Variants in GPR179 observed in about 807,000 individuals in gnomAD.
GPR179 encodes probable G protein-coupled receptor 179.
In GPR179, 52 loss-of-function variants were observed where a neutral mutation model predicts 70.8. The observed-to-expected ratio is 0.73, with a 90% CI of 0.59 to 0.93. The LOEUF is 0.93. Ranked by LOEUF, GPR179 falls within the 40% of genes least tolerant of loss-of-function variation. GPR179 has a pLI of 0.00. For missense variants in GPR179, 2,734 were observed against 2,966.8 expected, an observed-to-expected ratio of 0.92 and a Z score of 1.82; for synonymous variants, 1,123 against 1,169.0, an observed-to-expected ratio of 0.96 and a Z score of 0.80.
In GPR179 at chr17:38,343,891, G is replaced by A; in HGVS notation, c.-102C>T. Reference sequence around the variant, plus strand: ...GTCGGCCTCCACGCCTCCTATGCTGGCGTTCCTTCTTCCTCTCTCCGTCTC... The same window carrying A: ...GTCGGCCTCCACGCCTCCTATGCTGACGTTCCTTCTTCCTCTCTCCGTCTC... On this transcript the variant is annotated 5_prime_UTR_variant, in exon 1 of 11. Transcript: ENST00000616987. The surrounding 1 kb of genome is among the most constrained non-coding windows in gnomAD (Gnocchi z 4.2). 1.0e-6 allele frequency: 1 copy of A among 954,068 alleles called. No individual in the cohort carries two copies. Among genetic ancestry groups the A allele is most frequent in the East Asian group, 2.7e-5 (1 of 37,682 alleles). The allele number at this position is 954,068 out of a possible 1,614,324, so 59.1% of individuals were successfully genotyped here.
intron 2 of GPR179, among the ~76,000 whole-genome samples, chr17:38,338,666 T>C (rs1315157786): frequency 6.6e-6 from 1 of 152,248 alleles, no homozygotes; most frequent in African/African-American, 2.4e-5. Flanking sequence ...TAGAACCACC[T>C]GTGCACACAG....
chr17:38,339,348 G>C (rs1278672325), intron 2 of GPR179, 69 bp downstream of exon 2: 3 of 950,416 alleles, frequency 3.2e-6, no homozygotes, highest in African/African-American at 3.2e-5. Flanking sequence ...GGAGCTGCAT[G>C]GTGGCGGTGA....
rs765791476 is a variant in GPR179, at chr17:38,343,621, C to T, written c.169G>A (p.Glu57Lys). The change falls in exon 1 of 11, where the codon GAG becomes AAG. Residue 57 changes from glutamate (E) to lysine (K), a missense_variant. Glu to Lys is a moderately conservative substitution (Grantham distance 56). Transcript: ENST00000616987. The surrounding 1 kb of genome is among the most constrained non-coding windows in gnomAD (Gnocchi z 4.2). Reference protein sequence around the residue: ...VPMQVPLEGAEAALAYLYSGD... With the variant: ...VPMQVPLEGAKAALAYLYSGD... The stretch of plus-strand genomic sequence containing the variant: ...GAGTAGAGATAAGCGAGGGCGGCCT[C>T]GGCCCCCTCTAGGGGCACCTGCATG... 7 of 1,613,638 alleles carry T rather than the reference C, an allele frequency of 4.3e-6. No individual in the cohort carries two copies. The highest frequency in any genetic ancestry group is 1.7e-5 in the Admixed American group (1 of 59,996).
chr17:38,337,436 T>A (rs1389248858), intron 3 of GPR179, among the ~76,000 whole-genome samples, 197 bp downstream of exon 3: 1 of 152,176 alleles, frequency 6.6e-6, no homozygotes, highest in African/African-American at 2.4e-5. Context: ...ATTTGCATGT[T>A]ACAGGCTCAT....
rs1253302610 is a variant in GPR179 at position 38,326,803 on chromosome 17, G to A, written c.6766C>T (p.Leu2256Phe). The change falls in exon 11 of 11, where the codon CTC (leucine) becomes TTC (phenylalanine). Residue 2256 changes from leucine (L) to phenylalanine (F), a missense_variant. By Grantham distance (22) the Leu-to-Phe change is conservative. Transcript: ENST00000616987. ...ETGVPSEESG[L>F]LALTATRREF... Reference sequence around the variant, plus strand: ...CTCCGAGTTGCTGTTAAAGCCAGGAGGCCAGATTCCTCAGATGGGACTCCA... The same window carrying A: ...CTCCGAGTTGCTGTTAAAGCCAGGAAGCCAGATTCCTCAGATGGGACTCCA... 9.9e-6 allele frequency: 16 copies of A among 1,614,216 alleles called. No individual in the cohort carries two copies. The highest frequency in any genetic ancestry group is 1.4e-5 in the Non-Finnish European group (16 of 1,180,032).
In GPR179 at chr17:38,334,747, G is replaced by A. The variant is rs1453069835; in HGVS notation, c.1741C>T (p.Leu581=). The change falls in exon 8 of 11, where the codon CTG becomes TTG. Residue 581 remains leucine, a synonymous_variant. Transcript: ENST00000616987. The surrounding 1 kb of genome is among the most constrained non-coding windows in gnomAD (Gnocchi z 4.7). The stretch of plus-strand genomic sequence containing the variant: ...GCGGAAAGCAGTAGCTCATTGTGCA[G>A]GGCGATGCCCATGTAGCGTGGCTCA... ...FHEPRYMGIA[L]HNELLLSAAF... is the part of the protein sequence containing the mutation. 41 of 1,613,882 alleles carry A rather than the reference G, an allele frequency of 2.5e-5. No homozygotes were observed. Among genetic ancestry groups the A allele is most frequent in the Non-Finnish European group, 3.4e-5 (40 of 1,179,980 alleles).
chr17:38,336,141 T>C lies in GPR179; in HGVS notation c.1231A>G (p.Ile411Val), dbSNP rs1256187733. The C allele has an allele frequency of 1.9e-6, 3 of 1,610,090 alleles. No individual in the cohort carries two copies. Among genetic ancestry groups the C allele is most frequent in the African/African-American group, 2.7e-5 (2 of 74,830 alleles). ...VSYRCRRNKR[I>V]WASGVVLLET... ...AGCAGGACCACTCCAGATGCCCAGA[T>C]CCTCTGTGAAGCAAGGAGAGAGGCA... Residue 411 changes from isoleucine to valine, a missense_variant, in exon 5 of 11, where the codon ATC (isoleucine) becomes GTC (valine). By Grantham distance (29) the Ile-to-Val change is conservative. Coordinates refer to ENST00000616987, the MANE Select transcript of GPR179 (RefSeq NM_001004334.4).
At chr17:38,336,038 T>C in intron 5 of GPR179, 38 bp downstream of exon 5, 1 of 1,480,994 alleles carries the variant, frequency 6.8e-7, no homozygotes, top group South Asian at 1.1e-5. Context: ...CTATGGGGGA[T>C]GCTGGAAGGT....
In GPR179 at chr17:38,330,351, T is replaced by C. The variant is rs754835795; in HGVS notation, c.3218A>G (p.His1073Arg). ...CTGCTGAACAGGGGCCTTGAGGCTGTGGGATTTAGGGAAGATCTTGGGCCT... is the reference window on the plus strand; with the variant it reads ...CTGCTGAACAGGGGCCTTGAGGCTGCGGGATTTAGGGAAGATCTTGGGCCT... ...EDRPKIFPKS[H>R]SLKAPVQQGS... is the part of the protein sequence containing the mutation. The change falls in exon 11 of 11, where the codon CAC (histidine) becomes CGC (arginine). Residue 1073 changes from histidine to arginine, a missense_variant. His to Arg is a conservative substitution (Grantham distance 29). Transcript: ENST00000616987. The C allele has an allele frequency of 1.9e-6, 3 of 1,613,916 alleles. No individual in the cohort carries two copies. The highest frequency in any genetic ancestry group is 2.5e-6 in the Non-Finnish European group (3 of 1,179,922).
chr17:38,332,285 G>T (rs67180109), intron 10 of GPR179, among the ~76,000 whole-genome samples: 1 of 152,124 alleles, frequency 6.6e-6, no homozygotes, highest in Admixed American at 6.5e-5. Flanking sequence ...GGTGGAGGGG[G>T]TGGACAGAAT....
Position 38,327,921 on chromosome 17 carries a change from T to C in GPR179, c.5648A>G (p.Glu1883Gly). 1 of 1,614,176 alleles carries C rather than the reference T, an allele frequency of 6.2e-7. No homozygotes were observed. The highest frequency in any genetic ancestry group is 8.5e-7 in the Non-Finnish European group (1 of 1,180,034). ...GATCTTGGGGGCCTGAGCAGGGGAT[T>C]CCCTCAAGTCCTTGTTCTCCCAAAT... ...ICIWENKDLR[E>G]SPAQAPKISD... is the part of the protein sequence containing the mutation. The change falls in exon 11 of 11, where the codon GAA becomes GGA. Residue 1883 changes from glutamate (E) to glycine (G), a missense_variant. By Grantham distance (98) the Glu-to-Gly change is moderately conservative. Coordinates refer to ENST00000616987, the MANE Select transcript of GPR179 (RefSeq NM_001004334.4).
In GPR179 at chr17:38,334,977, C is replaced by G; in HGVS notation, c.1645+56G>C. ...CAGGAGAACCAGAACAAGAGGAACC[C>G]TGGAGGCACAGAGGCAGGGACCAGC... On this transcript the variant is annotated intron_variant, in intron 7 of 10. Transcript: ENST00000616987. This position sits in a 1 kb window ranked among gnomAD's most constrained non-coding sequence, Gnocchi z 4.7. 6.3e-7 allele frequency: 1 copy of G among 1,585,126 alleles called. No individual in the cohort carries two copies. Among genetic ancestry groups the G allele is most frequent in the Non-Finnish European group, 8.6e-7 (1 of 1,158,028 alleles).
Position 38,327,187 on chromosome 17 carries a change from C to T in GPR179, c.6382G>A (p.Ala2128Thr), listed in dbSNP as rs764437497. 9 of 1,614,142 alleles carry T rather than the reference C, an allele frequency of 5.6e-6. No homozygotes were observed. In the African/African-American group the frequency reaches 9.3e-5, roughly 17 times the overall value. Residue 2128 changes from alanine (A) to threonine (T), a missense_variant, in exon 11 of 11, where the codon GCA (alanine) becomes ACA (threonine). Coordinates refer to ENST00000616987, the MANE Select transcript of GPR179 (RefSeq NM_001004334.4). ...CCCGCCTCCCAAGGGCAGATCTCTG[C>T]TTTCTTGGCAGAGGGAGCCTCTACC... is the stretch of plus-strand genomic sequence containing the variant. The part of the protein sequence containing the change: ...EVVEAPSAKK[A>T]EICPWEAGGG...
chr17:38,334,615 GA>G lies in GPR179; in HGVS notation c.1784+88del, dbSNP rs1034696661. On this transcript the variant is annotated intron_variant, in intron 8 of 10. Transcript: ENST00000616987. The surrounding 1 kb of genome is among the most constrained non-coding windows in gnomAD (Gnocchi z 4.7). ...TGCTGAGGCGTAGCAGTGTTGCCAG[GA>G]TGGCATGGGATGGGGGCACCTCACC... The G allele has an allele frequency of 3.4e-6, 5 of 1,469,888 alleles. No individual in the cohort carries two copies. Among genetic ancestry groups the G allele is most frequent in the Non-Finnish European group, 4.7e-6 (5 of 1,062,974 alleles). 91.1% of individuals were successfully genotyped at this position (1,469,888 alleles called of 1,614,324 possible). A position where few individuals can be genotyped will look rare whatever the true frequency, so the allele number is the denominator to read the frequency against.
At chr17:38,337,943 A>T (rs1198502432) in intron 2 of GPR179, among the ~76,000 whole-genome samples, 1 of 152,214 alleles carries the variant, frequency 6.6e-6, no homozygotes, top group African/African-American at 2.4e-5. Flanking sequence ...GACCCTAAGC[A>T]AAGAGTACAG....
At chr17:38,339,563 G>T in intron 1 of GPR179, 38 bp from the exon 2 acceptor site, 1 of 1,433,378 alleles carries the variant, frequency 7.0e-7, no homozygotes, top group Non-Finnish European at 9.8e-7. Flanking sequence ...CACAGTGATT[G>T]ATGCCAAAGT....
Position 38,333,110 on chromosome 17 carries a change from G to A in GPR179, c.2037+141C>T, listed in dbSNP as rs921108556. 9.8e-6 allele frequency: 7 copies of A among 713,484 alleles called. No homozygotes were observed. The African/African-American group carries it at 1.2e-4, about 13-fold the overall frequency. 44.2% of individuals were successfully genotyped at this position (713,484 alleles called of 1,614,324 possible). On this transcript the variant is annotated intron_variant, in intron 10 of 10. Coordinates refer to ENST00000616987, the MANE Select transcript of GPR179 (RefSeq NM_001004334.4). ...GAATAGAGTCAGGGGAATCAGTTTA[G>A]GCCAGTGGAGAAGGGAGAGGGCAGG...
intron 10 of GPR179, 51 bp downstream of exon 10, chr17:38,333,200 C>T (rs1171131550): frequency 6.3e-7 from 1 of 1,575,930 alleles, no homozygotes; most frequent in Non-Finnish European, 8.7e-7. Context: ...CCTCCCTCTG[C>T]CCAGTTCCTA....
At position 38,335,172 on chromosome 17, in the gene GPR179, C is replaced by T; in HGVS notation, c.1506G>A (p.Leu502=). 6.3e-7 allele frequency: 1 copy of T among 1,578,760 alleles called. No individual in the cohort carries two copies. The highest frequency in any genetic ancestry group is 8.6e-7 in the Non-Finnish European group (1 of 1,162,830). Residue 502 remains leucine (L), a synonymous_variant, in exon 7 of 11, where the codon CTG becomes CTA. Coordinates refer to ENST00000616987, the MANE Select transcript of GPR179 (RefSeq NM_001004334.4). ...RHLGLLLLPV[L]GFLAVWTVGA... is the part of the protein sequence containing the mutation. ...CCACGGTCCACACAGCCAGGAAGCC[C>T]AGCACAGGTAGCAGGAGCAGCCCCA...
Sources: gnomAD v4.1 joint callset for allele counts (sites outside exome capture counted in the v4.1 genomes callset) on GRCh38, gnomAD v4.1.1 for gene constraint, Gnocchi (gnomAD v3.1) non-coding constraint, MANE v1.5 for transcripts, NCBI Gene and HGNC (gene_info 2026-07-23, HGNC 2026-07-21) for gene names.